The following TTN variants were observed in gnomAD, a reference collection of about 807,000 sequenced individuals.
TTN encodes connectin.
A neutral mutation model predicts 3,223.0 loss-of-function variants in TTN; 1,525 were observed. The observed-to-expected ratio is 0.47, with a 90% confidence interval of 0.45 to 0.49. The LOEUF (loss-of-function observed/expected upper bound fraction) is 0.49, where lower values mean the gene tolerates loss of function less well. Ranked by LOEUF, TTN falls within the 20% of genes least tolerant of loss-of-function variation. TTN has a pLI of 0.00. For missense variants in TTN, 40,786 were observed against 43,424.0 expected (o/e 0.94, Z 5.40); for synonymous variants, 14,094 against 15,161.0 (o/e 0.93, Z 5.17).
At position 178,553,262 on chromosome 2, in the gene TTN, G is replaced by A; in HGVS notation, c.89638C>T (p.Leu29880Phe). The change falls in exon 335 of 363, where the codon CTT (leucine) becomes TTT (phenylalanine). Residue 29880 changes from leucine to phenylalanine, a missense_variant. Coordinates refer to ENST00000589042, the MANE Select transcript of TTN (RefSeq NM_001267550.2). ...ATGCTGTATCTGGCATCACTGCCAA[G>A]ATTCTTCTCATCTTTTCTCCATGTG... ...TVTWRKDEKN[L>F]GSDARYSIEN... The A allele has an allele frequency of 6.2e-7, 1 of 1,612,320 alleles. No individual in the cohort carries two copies. The highest frequency in any genetic ancestry group is 8.5e-7 in the Non-Finnish European group (1 of 1,179,824).
Position 178,664,510 on chromosome 2 carries a change from G to C in TTN, c.36230C>G (p.Pro12077Arg). 6.2e-7 allele frequency: 1 copy of C among 1,612,154 alleles called. No homozygotes were observed. Among genetic ancestry groups the C allele is most frequent in the Non-Finnish European group, 8.5e-7 (1 of 1,179,434 alleles). Residue 12077 changes from proline (P) to arginine (R), a missense_variant, in exon 168 of 363, where the codon CCG (proline) becomes CGG (arginine). Physicochemically the swap from Pro to Arg is moderately radical, Grantham distance 103. Coordinates refer to ENST00000589042, the MANE Select transcript of TTN (RefSeq NM_001267550.2). ...TTGGGGAGGATGCACTTTCTTTTCC[G>C]GGACAACTTCTCTGAGAGCCTCCGG... ...EVPEALREVV[P>R]EKKVHPPQRA...
In TTN at chr2:178,729,006, G is replaced by A. The variant is rs750787195; in HGVS notation, c.19032C>T (p.Asp6344=). The change falls in exon 65 of 363, where the codon GAC becomes GAT. Residue 6344 remains aspartate (D), a synonymous_variant. Transcript: ENST00000589042. The part of the protein sequence containing the change: ...EDDNVYISFV[D]SVATLQIRSV... ...TTCTGATTTGAAGTGTGGCCACACTGTCCACAAATGAAATATAGACATTAT... is the reference window on the plus strand; with the variant it reads ...TTCTGATTTGAAGTGTGGCCACACTATCCACAAATGAAATATAGACATTAT... 6.2e-7 allele frequency: 1 copy of A among 1,612,968 alleles called. No individual in the cohort carries two copies. Among genetic ancestry groups the A allele is most frequent in the Admixed American group, 1.7e-5 (1 of 59,900 alleles).
chr2:178,804,679 T>C (rs778931949), intron 1 of TTN, 24 bp from the exon 2 acceptor site: 17 of 1,607,148 alleles, frequency 1.1e-5, no homozygotes, highest in East Asian at 2.2e-5. Flanking sequence ...GAAAATAAAT[T>C]AGGGTGTCCC....
Position 178,604,954 on chromosome 2 carries a change from T to A in TTN, c.54190+33A>T, listed in dbSNP as rs545984297. 13 of 1,592,570 alleles carry A rather than the reference T, an allele frequency of 8.2e-6. No individual in the cohort carries two copies. In the Admixed American group the frequency reaches 1.9e-4, roughly 23 times the overall value. ...AGGCAATTCTTAAACAGACACTGGA[T>A]GCCTTTTTGATGTAAGAAAGCAAGT... is the stretch of plus-strand genomic sequence containing the variant. On this transcript the variant is annotated intron_variant, in intron 280 of 362. Coordinates refer to ENST00000589042, the MANE Select transcript of TTN (RefSeq NM_001267550.2).
Position 178,770,234 on chromosome 2 carries a change from C to A in TTN, c.8467G>T (p.Val2823Phe), listed in dbSNP as rs33917087. The A allele has an allele frequency of 0.019, 29,968 of 1,614,122 alleles. 346 individuals carry two copies. Among genetic ancestry groups the A allele is most frequent in the Non-Finnish European group, 0.022 (26,079 of 1,180,006 alleles). Residue 2823 changes from valine to phenylalanine, a missense_variant, in exon 36 of 363, where the codon GTT (valine) becomes TTT (phenylalanine). Physicochemically the swap from Val to Phe is conservative, Grantham distance 50 (BLOSUM62 -1). Coordinates refer to ENST00000589042, the MANE Select transcript of TTN (RefSeq NM_001267550.2). ...CTCTTATGGAACCATTTTACTGGAACAGTGTCATGGGAAACACTAACTTCA... is the reference window on the plus strand; with the variant it reads ...CTCTTATGGAACCATTTTACTGGAAAAGTGTCATGGGAAACACTAACTTCA... ...AFEVSVSHDT[V>F]PVKWFHKSVE... is the part of the protein sequence containing the mutation.
At chr2:178,710,181 C>T (rs1160332144) in intron 98 of TTN, among the ~76,000 whole-genome samples, 1 of 152,210 alleles carries the variant, frequency 6.6e-6, no homozygotes, top group Non-Finnish European at 1.5e-5. Flanking sequence ...TGTGGTGGCT[C>T]ATGCCTGTAA....
chr2:178,559,359 A>G lies in TTN; in HGVS notation c.86773T>C (p.Phe28925Leu). Residue 28925 changes from phenylalanine to leucine, a missense_variant, in exon 326 of 363, where the codon TTT (phenylalanine) becomes CTT (leucine). Transcript: ENST00000589042. ...YYFRVSGENE[F>L]GVGIPAETKE... ...GTTTCAGCTGGTATACCAACACCAA[A>G]CTCATTTTCTCCAGAGACTCTGAAG... The G allele has an allele frequency of 6.2e-7, 1 of 1,612,398 alleles. No individual in the cohort carries two copies. Among genetic ancestry groups the G allele is most frequent in the Non-Finnish European group, 8.5e-7 (1 of 1,178,966 alleles).
Position 178,688,198 on chromosome 2 carries a change from A to C in TTN, c.32224T>G (p.Ser10742Ala), listed in dbSNP as rs748884951. The C allele has an allele frequency of 1.9e-6, 3 of 1,612,860 alleles. No homozygotes were observed. The highest frequency in any genetic ancestry group is 2.5e-6 in the Non-Finnish European group (3 of 1,179,766). Residue 10742 changes from serine (S) to alanine (A), a missense_variant, in exon 127 of 363, where the codon TCA becomes GCA. Ser to Ala is a moderately conservative substitution (Grantham distance 99). Transcript: ENST00000589042. ...EVSAEEEWSY[S>A]EEEEGVSISV... Reference sequence around the variant, plus strand: ...ATGGACACACCTTCCTCCTCTTCTGAGTAACTCCATTCCTCCTCTGCAGAT... The same window carrying C: ...ATGGACACACCTTCCTCCTCTTCTGCGTAACTCCATTCCTCCTCTGCAGAT...
At chr2:178,535,887 C>A in intron 357 of TTN, 38 bp from the exon 358 acceptor site, 1 of 1,505,470 alleles carries the variant, frequency 6.6e-7, no homozygotes. Context: ...TATAATTTAG[C>A]AACATCTAAC....
chr2:178,554,664 A>G lies in TTN; in HGVS notation c.88683T>C (p.Asp29561=), dbSNP rs879237120. The G allele has an allele frequency of 2.5e-6, 4 of 1,613,968 alleles. No individual in the cohort carries two copies. Among genetic ancestry groups the G allele is most frequent in the Non-Finnish European group, 3.4e-6 (4 of 1,179,850 alleles). ...TGTAGTGAGTGATTTTTGCACCACC[A>G]TCATCAGCTGGAGGCCGCCAGAGAA... ...ITLLWRPPAD[D]GGAKITHYIV... The change falls in exon 332 of 363, where the codon GAT becomes GAC. Residue 29561 remains aspartate (D), a synonymous_variant. Transcript: ENST00000589042.
intron 41 of TTN, among the ~76,000 whole-genome samples, chr2:178,765,875 T>G (rs1181668628): frequency 6.6e-6 from 1 of 152,112 alleles, no homozygotes; most frequent in Non-Finnish European, 1.5e-5. Context: ...CTGTCCAAAG[T>G]AAGAGCCCCT....
chr2:178,600,916 T>C lies in TTN; in HGVS notation c.55988A>G (p.Asn18663Ser), dbSNP rs368350844. The stretch of plus-strand genomic sequence containing the variant: ...TGAAGGCTTGCTGACTCCTGCAGCA[T>C]TGACAGCTTTGACTCGGAATTCATA... Reference protein sequence around the residue: ...GEYEFRVKAVNAAGVSKPSAT... With the variant: ...GEYEFRVKAVSAAGVSKPSAT... Residue 18663 changes from asparagine to serine, a missense_variant, in exon 288 of 363, where the codon AAT becomes AGT. By Grantham distance (46) the Asn-to-Ser change is conservative. Transcript: ENST00000589042. 5.3e-5 allele frequency: 85 copies of C among 1,612,916 alleles called. No homozygotes were observed. The highest frequency in any genetic ancestry group is 6.5e-5 in the Non-Finnish European group (77 of 1,179,312).
chr2:178,633,078 A>G, intron 233 of TTN, 34 bp from the exon 234 acceptor site: 4 of 1,606,604 alleles, frequency 2.5e-6, no homozygotes, highest in Non-Finnish European at 3.4e-6. Context: ...GAAAGAAAGA[A>G]CATCATTTAT....
At position 178,599,660 on chromosome 2, in the gene TTN, G is replaced by GCA; in HGVS notation, c.56239_56240dup (p.Thr18748AlafsTer3). On this transcript the variant is annotated frameshift_variant, in exon 289 of 363. Coordinates refer to ENST00000589042, the MANE Select transcript of TTN (RefSeq NM_001267550.2). LOFTEE classifies it high-confidence loss of function. ...TGCGAGACTGCGGAATAACTAAAGTGCAAGTATCATCTACCACCAGTTTGT... is the reference window on the plus strand; with the variant it reads ...TGCGAGACTGCGGAATAACTAAAGTGCACAAGTATCATCTACCACCAGTTTGT... 6.2e-7 allele frequency: 1 copy of GCA among 1,613,018 alleles called. No individual in the cohort carries two copies. The highest frequency in any genetic ancestry group is 8.5e-7 in the Non-Finnish European group (1 of 1,179,368).
Position 178,768,713 on chromosome 2 carries a change from C to T in TTN, c.9123G>A (p.Val3041=), listed in dbSNP as rs777961232. The stretch of plus-strand genomic sequence containing the variant: ...TGGCTGTTGATGTTGCTTTTCCAGC[C>T]ACAAAGGTGTAGTCAGCAGCATCCC... ...HFGDAADYTF[V]AGKATSTATL... The change falls in exon 38 of 363, where the codon GTG becomes GTA. Residue 3041 remains valine, a synonymous_variant. Transcript: ENST00000589042. 2 of 1,614,032 alleles carry T rather than the reference C, an allele frequency of 1.2e-6. No homozygotes were observed. Among genetic ancestry groups the T allele is most frequent in the South Asian group, 2.2e-5 (2 of 91,076 alleles).
Position 178,604,058 on chromosome 2 carries a change from C to A in TTN, c.54629G>T (p.Ser18210Ile). 1 of 1,612,872 alleles carries A rather than the reference C, an allele frequency of 6.2e-7. No homozygotes were observed. The highest frequency in any genetic ancestry group is 8.5e-7 in the Non-Finnish European group (1 of 1,179,184). ...GYWLEKREEG[S>I]PYWSRVSRAP... ...TCGGCTAACACGTGACCAATAAGGACTTCCCTCTTCTCTTTTCTCCAGCCA... is the reference window on the plus strand; with the variant it reads ...TCGGCTAACACGTGACCAATAAGGAATTCCCTCTTCTCTTTTCTCCAGCCA... The change falls in exon 282 of 363, where the codon AGT becomes ATT. Residue 18210 changes from serine (S) to isoleucine (I), a missense_variant. Physicochemically the swap from Ser to Ile is moderately radical, Grantham distance 142. Transcript: ENST00000589042.
intron 46 of TTN, 143 bp from the exon 47 acceptor site, chr2:178,753,323 C>T (rs775236584): frequency 9.7e-6 from 6 of 621,314 alleles, no homozygotes; most frequent in South Asian, 8.5e-5. Context: ...AAAGTCCATG[C>T]CAAACAAACT....
At position 178,712,398 on chromosome 2, in the gene TTN, G is replaced by C. The variant is rs1438488035; in HGVS notation, c.27524C>G (p.Thr9175Arg). ...GTTGTATTGTCCTGCATCCTCTACT[G>C]TGCTACTTGGAATTTCCAGGATTGC... ...KSAILEIPSS[T>R]VEDAGQYNCY... The change falls in exon 95 of 363, where the codon ACA (threonine) becomes AGA (arginine). Residue 9175 changes from threonine to arginine, a missense_variant. Physicochemically the swap from Thr to Arg is moderately conservative, Grantham distance 71. Coordinates refer to ENST00000589042, the MANE Select transcript of TTN (RefSeq NM_001267550.2). 14 of 1,613,774 alleles carry C rather than the reference G, an allele frequency of 8.7e-6. No individual in the cohort carries two copies. The highest frequency in any genetic ancestry group is 1.2e-5 in the Non-Finnish European group (14 of 1,179,804).
chr2:178,756,732 C>T lies in TTN; in HGVS notation c.10744G>A (p.Ala3582Thr), dbSNP rs780013380. 8.7e-6 allele frequency: 14 copies of T among 1,613,704 alleles called. No homozygotes were observed. The South Asian group carries it at 1.3e-4, about 15-fold the overall frequency. ...VRESTKSQAV[A>T]DSSFTKEESK... ...TCCTCCTTTGTGAAAGAGGAATCTGCCACTGCCTGGGACTTGGTGGACTCT... is the reference window on the plus strand; with the variant it reads ...TCCTCCTTTGTGAAAGAGGAATCTGTCACTGCCTGGGACTTGGTGGACTCT... Residue 3582 changes from alanine to threonine, a missense_variant, in exon 46 of 363, where the codon GCA becomes ACA. By Grantham distance (58) the Ala-to-Thr change is moderately conservative (BLOSUM62 0). Coordinates refer to ENST00000589042, the MANE Select transcript of TTN (RefSeq NM_001267550.2).
Sources: gnomAD v4.1 joint callset for allele counts (sites outside exome capture counted in the v4.1 genomes callset) on GRCh38, gnomAD v4.1.1 for gene constraint, MANE v1.5 for transcripts, NCBI Gene and HGNC (gene_info 2026-07-23, HGNC 2026-07-21) for gene names.